PPP3CB: variants seen among roughly 807,000 people sequenced by gnomAD.
PPP3CB encodes the protein serine/threonine-protein phosphatase 2B catalytic subunit beta isoform.
In PPP3CB, 8 loss-of-function variants were observed where a neutral mutation model predicts 66.4. The observed-to-expected ratio is 0.12, with a 90% CI of 0.07 to 0.22. The LOEUF is 0.22. PPP3CB is among the 10% of genes least tolerant of loss of function. The pLI is 1.00. For synonymous variants in PPP3CB, 208 were observed against 221.2 expected (o/e 0.94, Z 0.53); for missense variants, 319 against 642.5 (o/e 0.50, Z 5.44).
chr10:73,453,124 A>T (rs2132823193), intron 10 of PPP3CB, among the ~76,000 whole-genome samples: 1 of 152,316 alleles, frequency 6.6e-6, no homozygotes, highest in East Asian at 1.9e-4. Context: ...AAATGACCAA[A>T]ATCCAATGAG....
intron 2 of PPP3CB, 135 bp from the exon 3 acceptor site, chr10:73,478,758 C>T: frequency 1.4e-6 from 1 of 727,954 alleles, no homozygotes; most frequent in Non-Finnish European, 2.2e-6. Context: ...AGTCTATGAA[C>T]AGTCATGATT....
At chr10:73,462,134 CTCCT>C (rs1297320461) in intron 9 of PPP3CB, among the ~76,000 whole-genome samples, 1 of 145,536 alleles carries the variant, frequency 6.9e-6, no homozygotes, top group Non-Finnish European at 1.5e-5. Flanking sequence ...GCCAATTAAA[CTCCT>C]TCTTTTTTTT....
intron 1 of PPP3CB, among the ~76,000 whole-genome samples, chr10:73,491,264 C>T (rs900903495): frequency 1.3e-5 from 2 of 151,082 alleles, no homozygotes; most frequent in Non-Finnish European, 3.0e-5. Context: ...CTCCTGATCT[C>T]GTGATCCACC....
chr10:73,491,306 G>A (rs751233909), intron 1 of PPP3CB, among the ~76,000 whole-genome samples: 24 of 151,950 alleles, frequency 1.6e-4, no homozygotes, highest in Non-Finnish European at 1.3e-4. Context: ...TGGGATTACA[G>A]GCGTGAGCCA....
chr10:73,484,158 C>A (rs1481667452), intron 1 of PPP3CB, among the ~76,000 whole-genome samples: 1 of 152,064 alleles, frequency 6.6e-6, no homozygotes, highest in Non-Finnish European at 1.5e-5. Flanking sequence ...AATTAATTCT[C>A]AACTACTACT....
intron 2 of PPP3CB, 111 bp downstream of exon 2, chr10:73,479,206 T>C (rs1228621538): frequency 2.0e-6 from 2 of 999,626 alleles, no homozygotes; most frequent in Non-Finnish European, 3.0e-6. Context: ...CAAGATAATG[T>C]CCAAGTAATA....
chr10:73,462,085 G>A (rs1589697202), intron 9 of PPP3CB, among the ~76,000 whole-genome samples: 1 of 149,342 alleles, frequency 6.7e-6, no homozygotes, highest in Admixed American at 6.7e-5. Context: ...AAGCCGAGGA[G>A]ATGCAGGTGC....
intron 1 of PPP3CB, among the ~76,000 whole-genome samples, chr10:73,487,182 C>T (rs1279790009): frequency 6.6e-6 from 1 of 151,864 alleles, no homozygotes; most frequent in Non-Finnish European, 1.5e-5. Context: ...GAAAACTAGT[C>T]ATCATAGGCT....
At chr10:73,482,035 A>G (rs1306027365) in intron 1 of PPP3CB, among the ~76,000 whole-genome samples, 2 of 152,198 alleles carry the variant, frequency 1.3e-5, no homozygotes, top group Non-Finnish European at 1.5e-5. Flanking sequence ...ATTTGCCCTC[A>G]TGGTAGAGTA....
intron 12 of PPP3CB, among the ~76,000 whole-genome samples, chr10:73,443,490 C>T (rs1402570313): frequency 6.6e-6 from 1 of 152,008 alleles, no homozygotes; most frequent in Non-Finnish European, 1.5e-5. Flanking sequence ...CAAAAAGAAA[C>T]CTAATTATGA....
chr10:73,480,837 A>C (rs1231952317), intron 1 of PPP3CB, among the ~76,000 whole-genome samples: 1 of 152,248 alleles, frequency 6.6e-6, no homozygotes. Flanking sequence ...TTTCTGTAAG[A>C]AATCACCAAC....
rs2056692502 is a variant in PPP3CB at position 73,470,968 on chromosome 10, T to C, written c.810-4A>G. 2.5e-6 allele frequency: 4 copies of C among 1,612,280 alleles called. No homozygotes were observed. Among genetic ancestry groups the C allele is most frequent in the Admixed American group, 3.3e-5 (2 of 59,832 alleles). ...AAATTCACACACTGCTGGATAGCTGTGGGGGAAAAAGAGTAAATTAAGTAA... is the reference window on the plus strand; with the variant it reads ...AAATTCACACACTGCTGGATAGCTGCGGGGGAAAAAGAGTAAATTAAGTAA... On this transcript the variant is annotated splice_polypyrimidine_tract_variant and splice_region_variant and intron_variant, in intron 6 of 13. Coordinates refer to ENST00000360663, the MANE Select transcript of PPP3CB (RefSeq NM_021132.4).
chr10:73,439,809 A>G, intron 13 of PPP3CB, 63 bp downstream of exon 13: 1 of 1,542,688 alleles, frequency 6.5e-7, no homozygotes, highest in Non-Finnish European at 9.0e-7. Flanking sequence ...CACCCACAGG[A>G]CATTCTCTGA....
chr10:73,495,684 G>A, intron 1 of PPP3CB, 121 bp downstream of exon 1: 1 of 1,414,442 alleles, frequency 7.1e-7, no homozygotes, highest in African/African-American at 1.5e-5. Flanking sequence ...CACTCCCCAA[G>A]GGAGGCAGCC....
chr10:73,485,177 G>C (rs574202010), intron 1 of PPP3CB, among the ~76,000 whole-genome samples: 3 of 152,222 alleles, frequency 2.0e-5, no homozygotes, highest in African/African-American at 7.2e-5. Flanking sequence ...TCCAAATTTT[G>C]ACATGAAGGG....
intron 9 of PPP3CB, among the ~76,000 whole-genome samples, chr10:73,456,325 G>GT (rs1267858075): frequency 6.6e-6 from 1 of 152,232 alleles, no homozygotes; most frequent in Non-Finnish European, 1.5e-5. Context: ...AAAACATGCT[G>GT]TAAGTGTTCA....
intron 1 of PPP3CB, among the ~76,000 whole-genome samples, chr10:73,481,924 AC>A (rs1028654848): frequency 1.8e-4 from 27 of 152,018 alleles, no homozygotes; most frequent in African/African-American, 6.3e-4. Flanking sequence ...AGTATATTTT[AC>A]CCCCAAATAT....
chr10:73,484,453 A>G lies in PPP3CB; in HGVS notation c.86-4936T>C, dbSNP rs184934706. 3.3e-5 allele frequency among the ~76,000 whole-genome samples: 5 copies of G among 151,830 alleles called. No individual in the cohort carries two copies. In the East Asian group the frequency reaches 1.0e-3, roughly 30 times the overall value. On this transcript the variant is annotated intron_variant, in intron 1 of 13. Coordinates refer to ENST00000360663, the MANE Select transcript of PPP3CB (RefSeq NM_021132.4). ...GCCCAGCTAATGTTTTTGTATTTTT[A>G]GTAGAGATGGGGTTTCACAGTGTTC...
intron 9 of PPP3CB, among the ~76,000 whole-genome samples, chr10:73,456,822 C>T (rs76633021): frequency 0.047 from 7,090 of 152,128 alleles, 510 homozygotes; most frequent in African/African-American, 0.15. Context: ...AAGGAAAAAA[C>T]AGATAAATAT....
Sources: gnomAD v4.1 joint callset for allele counts (sites outside exome capture counted in the v4.1 genomes callset) on GRCh38, gnomAD v4.1.1 for gene constraint, MANE v1.5 for transcripts, NCBI Gene and HGNC (gene_info 2026-07-23, HGNC 2026-07-21) for gene names.